Variants in UBAC2 observed in about 807,000 individuals in gnomAD.
UBAC2 encodes the protein ubiquitin-associated domain-containing protein 2.
UBAC2 carries 26 observed loss-of-function variants against 44.0 expected under a neutral mutation model. The ratio of observed to expected loss-of-function variants is 0.59; its 90% CI spans 0.43 to 0.82. UBAC2 has a LOEUF of 0.82. Ranked by LOEUF, UBAC2 falls within the 40% of genes least tolerant of loss-of-function variation. The pLI, the probability that UBAC2 is intolerant of heterozygous loss-of-function variation, is 0.00. For missense variants in UBAC2, 329 were observed against 419.4 expected (o/e 0.78, Z 1.88); for synonymous variants, 155 against 154.3 (o/e 1.00, Z -0.04).
chr13:99,375,033 A>T (rs1053493562), intron 8 of UBAC2, among the ~76,000 whole-genome samples: 8 of 152,198 alleles, frequency 5.3e-5, no homozygotes, highest in Non-Finnish European at 1.2e-4. Flanking sequence ...TTCTAACAAG[A>T]TCCCAAAGTT....
rs1240643383 is a variant in UBAC2 at position 99,321,162 on chromosome 13, T to A, written c.561+3093T>A. ...TGGTTTTTAAGAAAAAGAGTATTTT[T>A]TAAACAAAGATATTTGTATGAAACA... On this transcript the variant is annotated intron_variant, in intron 6 of 8. Transcript: ENST00000403766. 5.9e-5 allele frequency among the ~76,000 whole-genome samples: 9 copies of A among 152,234 alleles called. No homozygotes were observed. The East Asian group carries it at 1.7e-3, about 29-fold the overall frequency.
At chr13:99,356,960 A>G (rs1362967842) in intron 7 of UBAC2, among the ~76,000 whole-genome samples, 1 of 152,166 alleles carries the variant, frequency 6.6e-6, no homozygotes, top group Non-Finnish European at 1.5e-5. Context: ...GTTTTGCCAC[A>G]AAGCTTTTGC....
At chr13:99,262,832 A>G (rs1383770052) in intron 4 of UBAC2, among the ~76,000 whole-genome samples, 4 of 151,912 alleles carry the variant, frequency 2.6e-5, no homozygotes, top group African/African-American at 9.7e-5. Flanking sequence ...GGATTTTAGT[A>G]CACAGCCATT....
intron 4 of UBAC2, among the ~76,000 whole-genome samples, chr13:99,250,860 C>A (rs2043450183): frequency 1.3e-5 from 2 of 152,116 alleles, no homozygotes; most frequent in African/African-American, 4.8e-5. Context: ...AATTCTCCTG[C>A]CTCAGCCTCC....
At chr13:99,358,613 A>G (rs1400897413) in intron 7 of UBAC2, among the ~76,000 whole-genome samples, 1 of 152,206 alleles carries the variant, frequency 6.6e-6, no homozygotes, top group Admixed American at 6.5e-5. Context: ...GGAGCCAGCA[A>G]AGGGTTTCTA....
intron 7 of UBAC2, among the ~76,000 whole-genome samples, chr13:99,354,304 CTGGCAGGTGGCCTGAGG>C (rs2045143190): frequency 6.6e-6 from 1 of 152,248 alleles, no homozygotes. Context: ...TGCAGCGGCT[CTGGCAGGTGGCCTGAGG>C]CTCCTTTTTG....
intron 1 of UBAC2, among the ~76,000 whole-genome samples, chr13:99,212,973 A>G (rs376248947): frequency 6.6e-6 from 1 of 152,238 alleles, no homozygotes; most frequent in African/African-American, 2.4e-5. Flanking sequence ...TGTAGAAGGG[A>G]TTAGTCCCAC....
chr13:99,204,795 A>C (rs1341035973), intron 1 of UBAC2, among the ~76,000 whole-genome samples: 2 of 152,068 alleles, frequency 1.3e-5, no homozygotes, highest in Non-Finnish European at 2.9e-5. Context: ...TGGGACATAA[A>C]TGGAGACAGT....
chr13:99,306,543 A>G (rs531691236), intron 4 of UBAC2, among the ~76,000 whole-genome samples: 2 of 152,262 alleles, frequency 1.3e-5, no homozygotes, highest in South Asian at 2.1e-4. Context: ...ACAAACACAC[A>G]TATATAAAAC....
At position 99,295,173 on chromosome 13, in the gene UBAC2, G is replaced by A. The variant is rs779711866; in HGVS notation, c.390-18924G>A. On this transcript the variant is annotated intron_variant, in intron 4 of 8. Coordinates refer to ENST00000403766, the MANE Select transcript of UBAC2 (RefSeq NM_001144072.2). This position sits in a 1 kb window ranked among gnomAD's most constrained non-coding sequence, Gnocchi z 4.1. ...CTAGAAATCGATACACTGACTTGCCGTTTCAGCATCCTCATAACCTTTCTC... is the reference window on the plus strand; with the variant it reads ...CTAGAAATCGATACACTGACTTGCCATTTCAGCATCCTCATAACCTTTCTC... 2.0e-5 allele frequency: 32 copies of A among 1,613,984 alleles called. No individual in the cohort carries two copies. Among genetic ancestry groups the A allele is most frequent in the Non-Finnish European group, 2.5e-5 (29 of 1,180,010 alleles).
chr13:99,223,418 GCTTTGAGTTT>G (rs2043072843), intron 1 of UBAC2, among the ~76,000 whole-genome samples: 1 of 151,318 alleles, frequency 6.6e-6, no homozygotes, highest in Admixed American at 6.6e-5. Context: ...TCAAGAACCA[GCTTTGAGTTT>G]CATTGATTTG....
At chr13:99,232,392 G>T (rs2043182401) in intron 1 of UBAC2, among the ~76,000 whole-genome samples, 1 of 57,864 alleles carries the variant, frequency 1.7e-5, no homozygotes, top group Non-Finnish European at 5.5e-5. Context: ...TCCATCCTTA[G>T]TTGAGAGATA....
chr13:99,331,015 G>C (rs766775080), intron 6 of UBAC2, among the ~76,000 whole-genome samples: 2 of 152,224 alleles, frequency 1.3e-5, no homozygotes, highest in Non-Finnish European at 2.9e-5. Context: ...CCATGTGCTA[G>C]AGACTCTAGT....
chr13:99,337,806 T>G (rs963850911), intron 6 of UBAC2, among the ~76,000 whole-genome samples: 1 of 152,000 alleles, frequency 6.6e-6, no homozygotes, highest in African/African-American at 2.4e-5. Context: ...GGAGAAAGGG[T>G]ACATGGAGCA....
At chr13:99,206,495 T>C (rs1307992013) in intron 1 of UBAC2, among the ~76,000 whole-genome samples, 1 of 152,210 alleles carries the variant, frequency 6.6e-6, no homozygotes, top group African/African-American at 2.4e-5. Flanking sequence ...ATGGCTATGC[T>C]CACCAGCCTC....
chr13:99,351,883 C>A, intron 7 of UBAC2: 1 of 400,762 alleles, frequency 2.5e-6, no homozygotes, highest in South Asian at 1.8e-5. Flanking sequence ...GTTTTGCCTG[C>A]AAGGAAAGAA....
intron 7 of UBAC2, among the ~76,000 whole-genome samples, chr13:99,349,796 C>T (rs1049866148): frequency 4.6e-5 from 7 of 152,120 alleles, no homozygotes; most frequent in East Asian, 1.9e-4. Flanking sequence ...GGAGCGTGAC[C>T]GTTGAAGCAC....
At chr13:99,201,394 C>T (rs577620505) in intron 1 of UBAC2, 20 of 1,605,004 alleles carry the variant, frequency 1.2e-5, no homozygotes, top group African/African-American at 9.3e-5. Context: ...TAGAAGCTGA[C>T]CTCTCAGTTT....
At chr13:99,280,855 T>G (rs1243078547) in intron 4 of UBAC2, among the ~76,000 whole-genome samples, 1 of 146,508 alleles carries the variant, frequency 6.8e-6, no homozygotes, top group Non-Finnish European at 1.5e-5. Context: ...CTCTCTCTCT[T>G]TCTCACTCAG....
Sources: allele counts gnomAD v4.1 joint callset (sites outside exome capture counted in the v4.1 genomes callset), GRCh38; gene constraint gnomAD v4.1.1; non-coding constraint Gnocchi (gnomAD v3.1); transcripts MANE v1.5; gene names NCBI Gene and HGNC (gene_info 2026-07-23, HGNC 2026-07-21).